Variants in EYS observed in about 807,000 individuals in gnomAD.
EYS encodes the protein protein eyes shut homolog.
EYS carries 250 observed loss-of-function variants against 282.1 expected under a neutral mutation model. That is an observed-to-expected ratio of 0.89 (90% CI 0.80 to 0.98). The LOEUF (loss-of-function observed/expected upper bound fraction) is 0.98, where lower values mean the gene tolerates loss of function less well. EYS is among the 50% of genes least tolerant of loss of function. The pLI, the probability that EYS is intolerant of heterozygous loss-of-function variation, is 0.00. For synonymous variants in EYS, 1,355 were observed against 1,282.9 expected, an observed-to-expected ratio of 1.06 and a Z score of -1.20; for missense variants, 4,016 against 3,709.0, an observed-to-expected ratio of 1.08 and a Z score of -2.15.
At chr6:65,476,041 A>G (rs1765392355) in intron 5 of EYS, among the ~76,000 whole-genome samples, 1 of 152,100 alleles carries the variant, frequency 6.6e-6, no homozygotes, top group South Asian at 2.1e-4. Context: ...GTCAGGGAGA[A>G]GATATGAGGA....
intron 22 of EYS, among the ~76,000 whole-genome samples, chr6:64,708,087 T>G (rs1442984005): frequency 6.6e-6 from 1 of 152,178 alleles, no homozygotes; most frequent in Non-Finnish European, 1.5e-5. Flanking sequence ...AATAAACTAT[T>G]TAGTCTTCAG....
chr6:64,498,993 G>C (rs530972175), intron 26 of EYS, among the ~76,000 whole-genome samples: 1 of 152,134 alleles, frequency 6.6e-6, no homozygotes, highest in Admixed American at 6.5e-5. Flanking sequence ...AAGATTGTTG[G>C]GCGAAATGGT....
At chr6:64,344,444 C>G (rs1231319572) in intron 29 of EYS, among the ~76,000 whole-genome samples, 1 of 151,900 alleles carries the variant, frequency 6.6e-6, no homozygotes, top group Non-Finnish European at 1.5e-5. Flanking sequence ...TAAACAGAAC[C>G]AAAGACAAAA....
In EYS at chr6:64,746,674, G is replaced by C. The variant is rs1471493198; in HGVS notation, c.3443+66704C>G. ...CATGTTGATACCTCTTAAGCATTTT[G>C]AATTGGCTCCACCACAAGGTCTATT... On this transcript the variant is annotated intron_variant, in intron 22 of 42. Transcript: ENST00000503581. 3.3e-5 allele frequency among the ~76,000 whole-genome samples: 5 copies of C among 152,084 alleles called. No individual in the cohort carries two copies. In the East Asian group the frequency reaches 9.7e-4, roughly 29 times the overall value.
At chr6:65,649,311 T>G (rs951334128) in intron 1 of EYS, among the ~76,000 whole-genome samples, 2 of 152,146 alleles carry the variant, frequency 1.3e-5, no homozygotes, top group Non-Finnish European at 2.9e-5. Flanking sequence ...GACCTTAACC[T>G]ATGTGTTTGT....
intron 30 of EYS, among the ~76,000 whole-genome samples, chr6:64,231,822 A>G (rs1315067535): frequency 6.6e-6 from 1 of 152,174 alleles, no homozygotes; most frequent in Non-Finnish European, 1.5e-5. Context: ...AGTTTCATAT[A>G]CTGTCTGGGA....
intron 26 of EYS, among the ~76,000 whole-genome samples, chr6:64,527,106 G>T (rs1777946472): frequency 6.6e-6 from 1 of 151,684 alleles, no homozygotes; most frequent in Non-Finnish European, 1.5e-5. Context: ...GAGATAAATA[G>T]AAATATCTAG....
intron 5 of EYS, among the ~76,000 whole-genome samples, chr6:65,408,655 G>A (rs573636606): frequency 6.6e-5 from 10 of 151,772 alleles, no homozygotes; most frequent in South Asian, 2.1e-4. Context: ...TGTCCATTTC[G>A]TTTTCCTCAA....
intron 13 of EYS, among the ~76,000 whole-genome samples, chr6:65,010,572 G>A (rs1214831450): frequency 1.3e-5 from 2 of 152,170 alleles, no homozygotes; most frequent in Non-Finnish European, 2.9e-5. Flanking sequence ...CTTAACTTGT[G>A]TACTGATGGA....
chr6:65,040,433 T>A (rs1772899783), intron 13 of EYS, among the ~76,000 whole-genome samples: 1 of 151,764 alleles, frequency 6.6e-6, no homozygotes, highest in South Asian at 2.1e-4. Context: ...ATTTTCCTTT[T>A]TGATAAGGAC....
chr6:65,139,579 C>T (rs1764272984), intron 12 of EYS, among the ~76,000 whole-genome samples: 1 of 152,020 alleles, frequency 6.6e-6, no homozygotes, highest in Admixed American at 6.6e-5. Context: ...TAGCCCTGAA[C>T]CTAAAATAAA....
chr6:64,362,975 GTTTCATTTTC>G (rs1225462137), intron 29 of EYS, among the ~76,000 whole-genome samples: 4 of 142,010 alleles, frequency 2.8e-5, no homozygotes, highest in Non-Finnish European at 4.6e-5. Context: ...TTCTTTTTCT[GTTTCATTTTC>G]TTTCATTTTC....
At chr6:65,149,940 C>G (rs1764571800) in intron 12 of EYS, among the ~76,000 whole-genome samples, 1 of 152,070 alleles carries the variant, frequency 6.6e-6, no homozygotes, top group Non-Finnish European at 1.5e-5. Context: ...GAAGCAAAAG[C>G]AAAATGTCCT....
At chr6:65,364,390 A>T (rs1764832633) in intron 8 of EYS, among the ~76,000 whole-genome samples, 1 of 151,562 alleles carries the variant, frequency 6.6e-6, no homozygotes, top group Admixed American at 6.7e-5. Context: ...GTAATAATAC[A>T]GAAATACAAA....
At chr6:65,150,005 A>G (rs1764573153) in intron 12 of EYS, among the ~76,000 whole-genome samples, 3 of 152,058 alleles carry the variant, frequency 2.0e-5, no homozygotes, top group Admixed American at 2.0e-4. Context: ...CCAGATGTTT[A>G]CAAAACCATC....
At chr6:64,805,953 A>G (rs1016933055) in intron 22 of EYS, among the ~76,000 whole-genome samples, 1 of 151,690 alleles carries the variant, frequency 6.6e-6, no homozygotes, top group South Asian at 2.1e-4. Context: ...CATTATTATG[A>G]GATGAAATTG....
chr6:63,851,727 C>CT (rs1212708132), intron 36 of EYS, among the ~76,000 whole-genome samples: 1 of 152,132 alleles, frequency 6.6e-6, no homozygotes, highest in Non-Finnish European at 1.5e-5. Flanking sequence ...TGGGAAGGCT[C>CT]TAAAACTGAC....
At chr6:65,680,062 T>C (rs901442808) in intron 1 of EYS, among the ~76,000 whole-genome samples, 5 of 147,138 alleles carry the variant, frequency 3.4e-5, no homozygotes, top group Non-Finnish European at 7.5e-5. Flanking sequence ...CTTATATTCA[T>C]ATATATTATG....
intron 19 of EYS, among the ~76,000 whole-genome samples, chr6:64,825,079 C>A (rs1444863801): frequency 6.6e-6 from 1 of 151,798 alleles, no homozygotes; most frequent in East Asian, 1.9e-4. Flanking sequence ...TTACATTGAC[C>A]TCCTTATATT....
Sources: allele counts gnomAD v4.1 joint callset (sites outside exome capture counted in the v4.1 genomes callset), GRCh38; gene constraint gnomAD v4.1.1; transcripts MANE v1.5; gene names NCBI Gene and HGNC (gene_info 2026-07-23, HGNC 2026-07-21).